The following GMDS variants were observed in gnomAD, a reference collection of about 807,000 sequenced individuals.
The protein encoded by GMDS is GDP-mannose 4,6 dehydratase.
Under a neutral mutation model 49.9 loss-of-function variants are expected in GMDS, and 20 were observed. The observed-to-expected ratio is 0.40, with a 90% CI of 0.28 to 0.58. GMDS has a LOEUF of 0.58. Ranked by LOEUF, GMDS falls within the 20% of genes least tolerant of loss-of-function variation. The probability of loss-of-function intolerance (pLI) is 0.42; values close to 1 mark genes in which losing one functional copy is unlikely to be tolerated. For synonymous variants in GMDS, 177 were observed against 178.6 expected (o/e 0.99, Z 0.07); for missense variants, 362 against 481.4 (o/e 0.75, Z 2.32).
At chr6:1,818,052 A>C (rs977697697) in intron 7 of GMDS, among the ~76,000 whole-genome samples, 1 of 152,178 alleles carries the variant, frequency 6.6e-6, no homozygotes, top group Non-Finnish European at 1.5e-5. Flanking sequence ...CCCACCTGAA[A>C]ACTATAGAAA....
In GMDS at chr6:2,245,566, C is replaced by G. The variant is rs1473205714; in HGVS notation, c.-144G>C. On this transcript the variant is annotated 5_prime_UTR_variant, in exon 1 of 11. Transcript: ENST00000380815. ...GGAGAGCGCACCGCGCGACCGGCCG[C>G]CACAGTCTGACAGGGGCGCACGGGA... 2.3e-5 allele frequency: 10 copies of G among 435,890 alleles called. No individual in the cohort carries two copies. The highest frequency in any genetic ancestry group is 4.6e-5 in the Admixed American group (1 of 21,584). 27.0% of individuals were successfully genotyped at this position (435,890 alleles called of 1,614,324 possible).
chr6:1,684,282 G>A lies in GMDS; in HGVS notation c.987+42134C>T, dbSNP rs530048521. Among the ~76,000 whole-genome samples, 18 of 152,274 alleles carry A rather than the reference G, an allele frequency of 1.2e-4. No homozygotes were observed. The South Asian group carries it at 2.7e-3, about 23-fold the overall frequency. On this transcript the variant is annotated intron_variant, in intron 9 of 10. Coordinates refer to ENST00000380815, the MANE Select transcript of GMDS (RefSeq NM_001500.4). ...TGGTGGGAATGCAACAGGGCAGAGC[G>A]GTTGTGGAAAACAGCCTGAGCCTGG...
intron 7 of GMDS, among the ~76,000 whole-genome samples, chr6:1,787,390 G>A (rs553270367): frequency 6.6e-6 from 1 of 152,102 alleles, no homozygotes; most frequent in Non-Finnish European, 1.5e-5. Context: ...ATAAATCCCA[G>A]CTGCTAACCA....
chr6:1,860,886 T>C (rs571880104), intron 7 of GMDS, among the ~76,000 whole-genome samples: 28 of 152,300 alleles, frequency 1.8e-4, no homozygotes, highest in African/African-American at 6.7e-4. Context: ...TAGGCAGGTC[T>C]GTGTTTGTGA....
intron 7 of GMDS, among the ~76,000 whole-genome samples, chr6:1,822,114 G>A (rs1770927445): frequency 6.6e-6 from 1 of 152,146 alleles, no homozygotes; most frequent in Non-Finnish European, 1.5e-5. Context: ...TATGACAACT[G>A]ACTTCTTGTT....
At chr6:1,925,354 A>G (rs1761942973) in intron 7 of GMDS, among the ~76,000 whole-genome samples, 1 of 152,228 alleles carries the variant, frequency 6.6e-6, no homozygotes, top group Non-Finnish European at 1.5e-5. Flanking sequence ...CTACAGATGG[A>G]TGAAAATAAA....
intron 4 of GMDS, among the ~76,000 whole-genome samples, chr6:2,102,170 C>T (rs909450932): frequency 3.9e-5 from 6 of 151,982 alleles, no homozygotes; most frequent in African/African-American, 1.4e-4. Context: ...GCCAATAAAA[C>T]ATTGAAGTCC....
intron 7 of GMDS, among the ~76,000 whole-genome samples, chr6:1,921,800 CTATT>C (rs1159914038): frequency 1.3e-5 from 2 of 152,096 alleles, no homozygotes; most frequent in Non-Finnish European, 1.5e-5. Context: ...AAAGGAGAGA[CTATT>C]TATTTAGTTA....
At chr6:1,695,880 G>T (rs1049199822) in intron 9 of GMDS, among the ~76,000 whole-genome samples, 1 of 151,466 alleles carries the variant, frequency 6.6e-6, no homozygotes, top group Non-Finnish European at 1.5e-5. Context: ...TGGCCAGAAG[G>T]CAATCACAAC....
intron 4 of GMDS, among the ~76,000 whole-genome samples, chr6:2,009,726 A>G (rs1767428550): frequency 6.6e-6 from 1 of 152,198 alleles, no homozygotes; most frequent in Non-Finnish European, 1.5e-5. Flanking sequence ...GGAAAGGGAA[A>G]ATGATTATTA....
chr6:1,785,967 G>A (rs145773052), intron 7 of GMDS, among the ~76,000 whole-genome samples: 16 of 152,342 alleles, frequency 1.1e-4, no homozygotes, highest in Admixed American at 5.2e-4. Flanking sequence ...GCTCAGCAGA[G>A]ATGGTTCTTA....
chr6:1,788,490 T>A (rs1769405259), intron 7 of GMDS, among the ~76,000 whole-genome samples: 1 of 152,174 alleles, frequency 6.6e-6, no homozygotes, highest in Non-Finnish European at 1.5e-5. Context: ...TGGGAAGATC[T>A]GCCTGGAAAT....
rs151022305 is a variant in GMDS at position 2,001,318 on chromosome 6, T to C, written c.346-40352A>G. On this transcript the variant is annotated intron_variant, in intron 4 of 10. Transcript: ENST00000380815. ...TGGAGAAATGTTTACTCAGTTCCTT[T>C]GCCCACTTTTTAATTGGGTTGTCTT... is the stretch of plus-strand genomic sequence containing the variant. 5.4e-3 allele frequency among the ~76,000 whole-genome samples: 824 copies of C among 152,344 alleles called. 5 individuals carry two copies. The highest frequency in any genetic ancestry group is 8.1e-3 in the Non-Finnish European group (550 of 68,024).
At chr6:2,154,831 G>C (rs1454125709) in intron 1 of GMDS, among the ~76,000 whole-genome samples, 1 of 103,568 alleles carries the variant, frequency 9.7e-6, no homozygotes, top group African/African-American at 4.1e-5. Flanking sequence ...GGCTAAAGAC[G>C]AGTTCAACAA....
At chr6:2,195,421 G>A (rs897807154) in intron 1 of GMDS, among the ~76,000 whole-genome samples, 2 of 151,876 alleles carry the variant, frequency 1.3e-5, no homozygotes, top group African/African-American at 4.8e-5. Flanking sequence ...GAGATGCTAT[G>A]CCTTGGTCTG....
At chr6:1,779,397 C>T (rs1768982176) in intron 7 of GMDS, among the ~76,000 whole-genome samples, 1 of 152,210 alleles carries the variant, frequency 6.6e-6, no homozygotes, top group Non-Finnish European at 1.5e-5. Context: ...GGTGAATTAA[C>T]AGCCTGGGAC....
At chr6:2,107,652 A>G (rs1485993477) in intron 4 of GMDS, among the ~76,000 whole-genome samples, 1 of 152,260 alleles carries the variant, frequency 6.6e-6, no homozygotes, top group African/African-American at 2.4e-5. Context: ...GGGAGCTTGT[A>G]GAACAAAAAC....
chr6:1,712,217 T>C (rs1561749453), intron 9 of GMDS, among the ~76,000 whole-genome samples: 1 of 152,238 alleles, frequency 6.6e-6, no homozygotes, highest in African/African-American at 2.4e-5. Flanking sequence ...TTTTCTTTGA[T>C]AGTAATCACA....
chr6:2,104,940 T>C (rs577019870), intron 4 of GMDS, among the ~76,000 whole-genome samples: 20 of 152,110 alleles, frequency 1.3e-4, no homozygotes, highest in Non-Finnish European at 2.5e-4. Flanking sequence ...CCCAGCACTT[T>C]GGGAGGCTGA....
Sources: allele counts gnomAD v4.1 joint callset (sites outside exome capture counted in the v4.1 genomes callset), GRCh38; gene constraint gnomAD v4.1.1; transcripts MANE v1.5; gene names NCBI Gene and HGNC (gene_info 2026-07-23, HGNC 2026-07-21).